The following DNAH5 variants were observed in gnomAD, a reference collection of about 807,000 sequenced individuals.
DNAH5 encodes the protein axonemal beta dynein heavy chain 5.
In DNAH5, 372 loss-of-function variants were observed where a neutral mutation model predicts 518.2. The observed-to-expected ratio is 0.72, with a 90% CI of 0.66 to 0.78. The LOEUF is 0.78. Ranked by LOEUF, DNAH5 falls within the 30% of genes least tolerant of loss-of-function variation. The pLI is 0.00. For synonymous variants in DNAH5, 2,039 were observed against 2,025.9 expected (o/e 1.01, Z -0.17); for missense variants, 5,523 against 5,687.0 (o/e 0.97, Z 0.93).
chr5:13,803,357 A>G (rs1759077208), intron 47 of DNAH5, among the ~76,000 whole-genome samples: 1 of 152,228 alleles, frequency 6.6e-6, no homozygotes, highest in Non-Finnish European at 1.5e-5. Context: ...AAAGTAAAAT[A>G]TGTCAAAAAT....
intron 28 of DNAH5, among the ~76,000 whole-genome samples, chr5:13,863,566 T>C (rs1191109149): frequency 6.6e-6 from 1 of 152,092 alleles, no homozygotes; most frequent in Admixed American, 6.6e-5. Flanking sequence ...GTTCCCTTCA[T>C]CACCGAATTC....
chr5:13,929,331 G>C (rs1227809664), intron 2 of DNAH5, among the ~76,000 whole-genome samples: 1 of 152,188 alleles, frequency 6.6e-6, no homozygotes, highest in Non-Finnish European at 1.5e-5. Flanking sequence ...GCCAGGGGCT[G>C]GAGGGAAGGA....
chr5:13,696,671 T>A (rs1741439912), intron 78 of DNAH5, among the ~76,000 whole-genome samples: 1 of 152,162 alleles, frequency 6.6e-6, no homozygotes, highest in Non-Finnish European at 1.5e-5. Context: ...AGAGCCCTGC[T>A]CAATTATCAA....
chr5:13,900,185 G>T (rs749758073), intron 15 of DNAH5, 21 bp downstream of exon 15: 1 of 1,592,516 alleles, frequency 6.3e-7, no homozygotes, highest in South Asian at 1.1e-5. Context: ...AGAATGGGGG[G>T]AAAAAATAAA....
intron 61 of DNAH5, 55 bp from the exon 62 acceptor site, chr5:13,754,393 G>A: frequency 1.2e-6 from 2 of 1,600,654 alleles, no homozygotes; most frequent in Non-Finnish European, 1.7e-6. Flanking sequence ...ATAGCCACTG[G>A]CTCAAAAATA....
chr5:13,834,054 A>G (rs749663503), intron 35 of DNAH5, among the ~76,000 whole-genome samples: 1 of 152,210 alleles, frequency 6.6e-6, no homozygotes, highest in Non-Finnish European at 1.5e-5. Flanking sequence ...GCAAAAGGGA[A>G]GCAAATCTTG....
rs1397279273 is a variant in DNAH5 at position 13,690,461 on chromosome 5, C to A, written c.*1523G>T. 1 of 152,102 alleles carries A rather than the reference C, an allele frequency of 6.6e-6. No individual in the cohort carries two copies. The highest frequency in any genetic ancestry group is 1.5e-5 in the Non-Finnish European group (1 of 68,016). 9.4% of individuals were successfully genotyped at this position (152,102 alleles called of 1,614,324 possible). ...AATCCACACCAAAAGAAAGAACTCA[C>A]AAGAAAACAGTATCATCTAAGATGG... On this transcript the variant is annotated 3_prime_UTR_variant, in exon 79 of 79. Coordinates refer to ENST00000265104, the MANE Select transcript of DNAH5 (RefSeq NM_001369.3).
rs147688221 is a variant in DNAH5 at position 13,780,935 on chromosome 5, G to C, written c.8845C>G (p.Gln2949Glu). The change falls in exon 53 of 79, where the codon CAG (glutamine) becomes GAG (glutamate). Residue 2949 changes from glutamine (Q) to glutamate (E), a missense_variant. Physicochemically the swap from Gln to Glu is conservative, Grantham distance 29. This residue lies in a region of DNAH5 where 5,121 missense variants were observed against 5,223.3 expected (regional missense o/e 0.98). Coordinates refer to ENST00000265104, the MANE Select transcript of DNAH5 (RefSeq NM_001369.3). ...ACCCCGACCAGGAGGGCATTTCCCTGAGGAGTACGAATGACACGAGAGATC... is the reference window on the plus strand; with the variant it reads ...ACCCCGACCAGGAGGGCATTTCCCTCAGGAGTACGAATGACACGAGAGATC... ...VKISRVIRTP[Q>E]GNALLVGVGG... 3,328 of 1,613,760 alleles carry C rather than the reference G, an allele frequency of 2.1e-3. 9 individuals carry two copies. Among genetic ancestry groups the C allele is most frequent in the Non-Finnish European group, 2.7e-3 (3,155 of 1,179,762 alleles).
At chr5:13,957,698 T>C (rs1780855160) in intron 1 of DNAH5, among the ~76,000 whole-genome samples, 2 of 151,924 alleles carry the variant, frequency 1.3e-5, no homozygotes, top group African/African-American at 4.8e-5. Flanking sequence ...CCAATATTGA[T>C]AGTTACATAG....
At chr5:13,748,381 T>C (rs1236532239) in intron 65 of DNAH5, among the ~76,000 whole-genome samples, 4 of 152,220 alleles carry the variant, frequency 2.6e-5, no homozygotes, top group East Asian at 1.9e-4. Flanking sequence ...TGGTTCCATA[T>C]GAACTTTAAA....
chr5:14,011,200 G>A (rs536887796), intron 1 of DNAH5, among the ~76,000 whole-genome samples: 1 of 152,118 alleles, frequency 6.6e-6, no homozygotes, highest in African/African-American at 2.4e-5. Flanking sequence ...AAACCCAAGG[G>A]CTAATGAGAG....
At position 13,780,920 on chromosome 5, in the gene DNAH5, G is replaced by C; in HGVS notation, c.8860C>G (p.Leu2954Val). The C allele has an allele frequency of 1.2e-6, 2 of 1,613,766 alleles. No individual in the cohort carries two copies. Among genetic ancestry groups the C allele is most frequent in the Non-Finnish European group, 1.7e-6 (2 of 1,179,780 alleles). The stretch of plus-strand genomic sequence containing the variant: ...TTTCCTGATCCGCCCACCCCGACCA[G>C]GAGGGCATTTCCCTGAGGAGTACGA... Reference protein sequence around the residue: ...VIRTPQGNALLVGVGGSGKQS... With the variant: ...VIRTPQGNALVVGVGGSGKQS... Residue 2954 changes from leucine to valine, a missense_variant, in exon 53 of 79, where the codon CTG becomes GTG. By Grantham distance (32) the Leu-to-Val change is conservative (BLOSUM62 1). Transcript: ENST00000265104.
chr5:13,704,564 A>C (rs1742538539), intron 76 of DNAH5, among the ~76,000 whole-genome samples: 1 of 152,202 alleles, frequency 6.6e-6, no homozygotes, highest in South Asian at 2.1e-4. Context: ...GAAAAGAGCT[A>C]GTTATTTAGC....
rs540841401 is a variant in DNAH5, at chr5:13,694,863, GA to G, written c.13724-2729del. On this transcript the variant is annotated intron_variant, in intron 78 of 78. Coordinates refer to ENST00000265104, the MANE Select transcript of DNAH5 (RefSeq NM_001369.3). ...AAGCATGTTAATAAAAGTAACAATT[GA>G]AAAAAATATTTATTATATGCTTCCT... is the stretch of plus-strand genomic sequence containing the variant. Among the ~76,000 whole-genome samples, 48 of 152,118 alleles carry G rather than the reference GA, an allele frequency of 3.2e-4. No homozygotes were observed. The East Asian group carries it at 8.1e-3, about 26-fold the overall frequency.
At chr5:13,718,694 G>A (rs1364610240) in intron 72 of DNAH5, among the ~76,000 whole-genome samples, 188 bp downstream of exon 72, 2 of 152,180 alleles carry the variant, frequency 1.3e-5, no homozygotes, top group Non-Finnish European at 2.9e-5. Flanking sequence ...TAGAAGGTGG[G>A]AATCATGAGC....
At position 13,923,359 on chromosome 5, in the gene DNAH5, T is replaced by C. The variant is rs772050000; in HGVS notation, c.359A>G (p.Asp120Gly). Reference protein sequence around the residue: ...KPKVFVTEGNDVALTGVCVFF... With the variant: ...KPKVFVTEGNGVALTGVCVFF... ...CACACATACCCCAGTAAGAGCCACATCGTTTCCCTCGGTCACGAACACCTT... is the reference window on the plus strand; with the variant it reads ...CACACATACCCCAGTAAGAGCCACACCGTTTCCCTCGGTCACGAACACCTT... Residue 120 changes from aspartate (D) to glycine (G), a missense_variant, in exon 4 of 79, where the codon GAT becomes GGT. By Grantham distance (94) the Asp-to-Gly change is moderately conservative (BLOSUM62 -1). Coordinates refer to ENST00000265104, the MANE Select transcript of DNAH5 (RefSeq NM_001369.3). The C allele has an allele frequency of 3.1e-6, 5 of 1,614,058 alleles. No homozygotes were observed. The highest frequency in any genetic ancestry group is 3.4e-6 in the Non-Finnish European group (4 of 1,180,018).
intron 3 of DNAH5, among the ~76,000 whole-genome samples, chr5:13,925,885 G>T (rs915281845): frequency 6.6e-6 from 1 of 152,150 alleles, no homozygotes; most frequent in African/African-American, 2.4e-5. Context: ...GGACAGGGGG[G>T]TTTGCTGGGA....
At chr5:13,727,133 C>T (rs577468931) in intron 70 of DNAH5, among the ~76,000 whole-genome samples, 26 of 152,304 alleles carry the variant, frequency 1.7e-4, no homozygotes, top group Admixed American at 8.5e-4. Flanking sequence ...GTTCTTCCTG[C>T]TTTCAGAAAC....
At chr5:13,761,253 A>G (rs1256414788) in intron 60 of DNAH5, among the ~76,000 whole-genome samples, 4 of 152,190 alleles carry the variant, frequency 2.6e-5, no homozygotes, top group Non-Finnish European at 5.9e-5. Context: ...AATGACAACA[A>G]TAACAGAAAA....
Sources: allele counts gnomAD v4.1 joint callset (sites outside exome capture counted in the v4.1 genomes callset), GRCh38; gene constraint gnomAD v4.1.1; regional missense constraint gnomAD v4.1.1; transcripts MANE v1.5; gene names NCBI Gene and HGNC (gene_info 2026-07-23, HGNC 2026-07-21).